The following UNC13B variants were observed in gnomAD, a reference collection of about 807,000 sequenced individuals.
UNC13B encodes unc-13 homolog B, also known as protein unc-13 homolog B.
Under a neutral mutation model 211.0 loss-of-function variants are expected in UNC13B, and 144 were observed. The ratio of observed to expected loss-of-function variants is 0.68; its 90% CI spans 0.60 to 0.78. UNC13B has a LOEUF of 0.78. Ranked by LOEUF, UNC13B falls within the 30% of genes least tolerant of loss-of-function variation. The probability of loss-of-function intolerance (pLI) is 0.00; values close to 1 mark genes in which losing one functional copy is unlikely to be tolerated. For missense variants in UNC13B, 1,777 were observed against 2,002.0 expected (o/e 0.89, Z 2.14); for synonymous variants, 709 against 725.8 (o/e 0.98, Z 0.37).
intron 14 of UNC13B, 81 bp downstream of exon 14, chr9:35,375,282 G>A (rs1834326221): frequency 6.9e-7 from 1 of 1,444,694 alleles, no homozygotes; most frequent in Non-Finnish European, 9.7e-7. Context: ...TAATAATTGG[G>A]AATTCTGGGA....
intron 33 of UNC13B, 23 bp from the exon 34 acceptor site, chr9:35,399,138 T>TCAC (rs1182355845): frequency 6.2e-7 from 1 of 1,614,182 alleles, no homozygotes; most frequent in Non-Finnish European, 8.5e-7. Context: ...CACCCTGGTC[T>TCAC]CACCTGTTGC....
At chr9:35,369,230 G>A (rs1028768596) in intron 12 of UNC13B, among the ~76,000 whole-genome samples, 1 of 152,144 alleles carries the variant, frequency 6.6e-6, no homozygotes, top group African/African-American at 2.4e-5. Flanking sequence ...TACTTTTTCT[G>A]TTGGGATATT....
intron 11 of UNC13B, among the ~76,000 whole-genome samples, chr9:35,338,118 G>A (rs1457102576): frequency 6.6e-6 from 1 of 152,178 alleles, no homozygotes; most frequent in Non-Finnish European, 1.5e-5. Flanking sequence ...GGGTTTATGT[G>A]AGAGGGCAGT....
chr9:35,362,860 G>A lies in UNC13B; in HGVS notation c.9415-4087G>A, dbSNP rs372666798. Among the ~76,000 whole-genome samples the A allele has an allele frequency of 6.4e-4, 97 of 152,188 alleles. 1 individual carries two copies. In the South Asian group the frequency reaches 0.016, roughly 24 times the overall value. ...TCTGGTTCTCATCTGTACAATGGTGGGACTTGTCAAGGCATTATGTGTTAA... is the reference window on the plus strand; with the variant it reads ...TCTGGTTCTCATCTGTACAATGGTGAGACTTGTCAAGGCATTATGTGTTAA... On this transcript the variant is annotated intron_variant, in intron 11 of 39. Transcript: ENST00000635942.
intron 11 of UNC13B, among the ~76,000 whole-genome samples, chr9:35,357,251 C>T (rs1833084236): frequency 6.6e-6 from 1 of 152,072 alleles, no homozygotes; most frequent in South Asian, 2.1e-4. Flanking sequence ...TTGTTATTAT[C>T]TTTTTTATTA....
intron 1 of UNC13B, among the ~76,000 whole-genome samples, chr9:35,195,984 A>G (rs1027429183): frequency 1.3e-5 from 2 of 152,272 alleles, no homozygotes; most frequent in African/African-American, 2.4e-5. Flanking sequence ...ACACATATAC[A>G]TGCATACATA....
chr9:35,297,304 G>C (rs1381325490), intron 8 of UNC13B, among the ~76,000 whole-genome samples: 1 of 151,642 alleles, frequency 6.6e-6, no homozygotes, highest in East Asian at 1.9e-4. Context: ...GGTCAAGCTG[G>C]TCTCCATCTC....
At chr9:35,340,821 A>G (rs370611742) in intron 11 of UNC13B, among the ~76,000 whole-genome samples, 14 of 152,258 alleles carry the variant, frequency 9.2e-5, no homozygotes, top group East Asian at 3.9e-4. Context: ...TTCATGTCCT[A>G]TGGTTGCAGA....
At chr9:35,262,882 G>A (rs1032074933) in intron 7 of UNC13B, among the ~76,000 whole-genome samples, 45 of 152,230 alleles carry the variant, frequency 3.0e-4, no homozygotes, top group African/African-American at 1.0e-3. Flanking sequence ...GCAGTGAGCC[G>A]TGATCATGCC....
intron 7 of UNC13B, among the ~76,000 whole-genome samples, chr9:35,271,138 CAAA>C (rs34349679): frequency 9.2e-5 from 7 of 75,728 alleles, no homozygotes; most frequent in Admixed American, 1.6e-4. Flanking sequence ...GACTCCATTT[CAAA>C]AAAAAAAAAA....
At chr9:35,347,545 G>C (rs929938043) in intron 11 of UNC13B, among the ~76,000 whole-genome samples, 1 of 152,124 alleles carries the variant, frequency 6.6e-6, no homozygotes, top group Non-Finnish European at 1.5e-5. Context: ...GCATCACATC[G>C]AGCTCCATCC....
intron 20 of UNC13B, 32 bp from the exon 21 acceptor site, chr9:35,382,325 G>A (rs774657003): frequency 1.3e-6 from 2 of 1,599,760 alleles, no homozygotes; most frequent in Admixed American, 1.7e-5. Context: ...GCCCTGAAGA[G>A]TCTTTGAGGC....
chr9:35,305,887 A>C lies in UNC13B; in HGVS notation c.6483A>C (p.Ile2161=), dbSNP rs948848305. Reference sequence around the variant, plus strand: ...CAGAGTTATCAACCAAAAAGAGTATATTTTCTTTTCTCACTGGATCTGAAA... The same window carrying C: ...CAGAGTTATCAACCAAAAAGAGTATCTTTTCTTTTCTCACTGGATCTGAAA... ...SQPELSTKKS[I]FSFLTGSEKS... is the part of the protein sequence containing the mutation. Residue 2161 remains isoleucine (I), a synonymous_variant, in exon 9 of 40, where the codon ATA becomes ATC. Transcript: ENST00000635942. 7.5e-6 allele frequency: 3 copies of C among 398,822 alleles called. No homozygotes were observed. In the Admixed American group the frequency reaches 1.3e-4, roughly 18 times the overall value. The allele number at this position is 398,822 out of a possible 1,614,324, so 24.7% of individuals were successfully genotyped here.
chr9:35,164,532 T>C (rs748133599), intron 1 of UNC13B, among the ~76,000 whole-genome samples: 11 of 152,224 alleles, frequency 7.2e-5, no homozygotes, highest in Non-Finnish European at 1.6e-4. Context: ...TTCCTAAACA[T>C]TTCATTCAAG....
intron 1 of UNC13B, among the ~76,000 whole-genome samples, chr9:35,208,720 C>A (rs1303921967): frequency 6.6e-6 from 1 of 152,210 alleles, no homozygotes; most frequent in Non-Finnish European, 1.5e-5. Flanking sequence ...AAGGCTAAAG[C>A]TTTCATGAGA....
chr9:35,226,900 TAG>T (rs1284613240), intron 1 of UNC13B, among the ~76,000 whole-genome samples: 1 of 152,176 alleles, frequency 6.6e-6, no homozygotes, highest in African/African-American at 2.4e-5. Flanking sequence ...TGGCACTCAA[TAG>T]AGTGTCACAT....
At chr9:35,400,861 A>G (rs1372208937) in intron 37 of UNC13B, among the ~76,000 whole-genome samples, 1 of 152,038 alleles carries the variant, frequency 6.6e-6, no homozygotes, top group Non-Finnish European at 1.5e-5. Flanking sequence ...GACTTTCCAG[A>G]CTCTGCAGCA....
intron 37 of UNC13B, 144 bp from the exon 38 acceptor site, chr9:35,403,023 C>A (rs1836425116): frequency 1.6e-6 from 1 of 623,592 alleles, no homozygotes; most frequent in Non-Finnish European, 2.9e-6. Flanking sequence ...TATCCCATTT[C>A]TTTCCCTTCT....
chr9:35,353,586 G>A (rs1284511776), intron 11 of UNC13B: 2 of 1,232,046 alleles, frequency 1.6e-6, no homozygotes, highest in East Asian at 6.3e-5. Flanking sequence ...TCCTTGCCAA[G>A]TGTTGCTCTG....
Sources: allele counts gnomAD v4.1 joint callset (sites outside exome capture counted in the v4.1 genomes callset), GRCh38; gene constraint gnomAD v4.1.1; transcripts MANE v1.5; gene names NCBI Gene and HGNC (gene_info 2026-07-23, HGNC 2026-07-21).